The following LRMDA variants were observed in gnomAD, a reference collection of about 807,000 sequenced individuals.
LRMDA encodes leucine rich melanocyte differentiation associated, also known as leucine-rich melanocyte differentiation-associated protein.
In LRMDA, 18 loss-of-function variants were observed where a neutral mutation model predicts 29.8. The observed-to-expected ratio is 0.60, with a 90% CI of 0.42 to 0.90. The LOEUF is 0.90. LRMDA is among the 40% of genes least tolerant of loss of function. The probability of loss-of-function intolerance (pLI) is 0.00; values close to 1 mark genes in which losing one functional copy is unlikely to be tolerated. For missense variants in LRMDA, 273 were observed against 273.9 expected (o/e 1.00, Z 0.02); for synonymous variants, 125 against 109.4 (o/e 1.14, Z -0.89).
At chr10:76,285,501 A>G (rs562253778) in intron 5 of LRMDA, among the ~76,000 whole-genome samples, 1 of 152,158 alleles carries the variant, frequency 6.6e-6, no homozygotes, top group Non-Finnish European at 1.5e-5. Context: ...AATAAAAAGC[A>G]TATTGTCTCT....
intron 5 of LRMDA, among the ~76,000 whole-genome samples, chr10:76,168,033 A>G (rs1850772189): frequency 6.6e-6 from 1 of 152,074 alleles, no homozygotes; most frequent in African/African-American, 2.4e-5. Flanking sequence ...ATGGGATTGT[A>G]GGGAATCCAA....
At chr10:76,434,339 C>T (rs1349814075) in intron 6 of LRMDA, among the ~76,000 whole-genome samples, 1 of 151,922 alleles carries the variant, frequency 6.6e-6, no homozygotes, top group Non-Finnish European at 1.5e-5. Flanking sequence ...CTCTCTCTCT[C>T]TTTAATTTTC....
chr10:76,118,873 G>A (rs1283021343), intron 5 of LRMDA, among the ~76,000 whole-genome samples: 2 of 85,300 alleles, frequency 2.3e-5, no homozygotes, highest in Admixed American at 2.8e-4. Context: ...TTTGAGCAGT[G>A]ATTTTCTTTT....
intron 5 of LRMDA, among the ~76,000 whole-genome samples, chr10:76,271,292 C>T (rs993739258): frequency 6.6e-6 from 1 of 152,094 alleles, no homozygotes; most frequent in Non-Finnish European, 1.5e-5. Flanking sequence ...CCTGTAATCC[C>T]AGCTACTTGG....
At chr10:76,340,501 G>A (rs970653594) in intron 6 of LRMDA, among the ~76,000 whole-genome samples, 3 of 106,594 alleles carry the variant, frequency 2.8e-5, no homozygotes. Context: ...AGGTGACAGA[G>A]TGAGAACCTG....
intron 2 of LRMDA, among the ~76,000 whole-genome samples, chr10:75,599,190 C>T (rs1840848328): frequency 6.6e-6 from 1 of 152,170 alleles, no homozygotes; most frequent in Non-Finnish European, 1.5e-5. Context: ...AGAGAGTCTC[C>T]TGGCGCTACA....
chr10:75,733,977 T>G (rs1008754316), intron 2 of LRMDA, among the ~76,000 whole-genome samples: 5 of 152,200 alleles, frequency 3.3e-5, no homozygotes, highest in Non-Finnish European at 7.3e-5. Flanking sequence ...TCTCAAGCCC[T>G]TTCCCTTCAA....
In LRMDA at chr10:76,431,787, C is replaced by T. The variant is rs544343037; in HGVS notation, c.601+107302C>T. ...AATTCCCACATGTTGTGGGAGGAAC[C>T]TGGTGGGAGGTAATTGAATAATGGG... On this transcript the variant is annotated intron_variant, in intron 6 of 6. Coordinates refer to ENST00000611255, the MANE Select transcript of LRMDA (RefSeq NM_001305581.2). 8.5e-5 allele frequency among the ~76,000 whole-genome samples: 13 copies of T among 152,242 alleles called. No individual in the cohort carries two copies. The Middle Eastern group carries it at 0.01, about 119-fold the overall frequency.
At chr10:75,988,390 G>T (rs1307480636) in intron 2 of LRMDA, among the ~76,000 whole-genome samples, 1 of 152,050 alleles carries the variant, frequency 6.6e-6, no homozygotes, top group Non-Finnish European at 1.5e-5. Flanking sequence ...TGGGTGTCCA[G>T]GTGGTTCCCC....
intron 5 of LRMDA, among the ~76,000 whole-genome samples, chr10:76,101,512 G>A (rs192996949): frequency 9.2e-5 from 14 of 152,252 alleles, no homozygotes; most frequent in African/African-American, 2.2e-4. Context: ...CAAGGCAGGC[G>A]GATCAGTTGA....
At chr10:76,119,640 G>A (rs1424374908) in intron 5 of LRMDA, among the ~76,000 whole-genome samples, 1 of 152,052 alleles carries the variant, frequency 6.6e-6, no homozygotes, top group Non-Finnish European at 1.5e-5. Context: ...TCCATCAGAG[G>A]ACAGTCACTC....
At chr10:76,462,517 C>T (rs992241287) in intron 6 of LRMDA, among the ~76,000 whole-genome samples, 9 of 152,210 alleles carry the variant, frequency 5.9e-5, no homozygotes. Flanking sequence ...ATCTCACTTC[C>T]AGCTGCTTTG....
chr10:76,261,520 A>G (rs1839943950), intron 5 of LRMDA, among the ~76,000 whole-genome samples: 1 of 152,104 alleles, frequency 6.6e-6, no homozygotes, highest in African/African-American at 2.4e-5. Context: ...TACAAAATGA[A>G]CAGTGAATTA....
intron 5 of LRMDA, among the ~76,000 whole-genome samples, chr10:76,087,889 G>A (rs1849162524): frequency 6.6e-6 from 1 of 152,140 alleles, no homozygotes; most frequent in African/African-American, 2.4e-5. Context: ...TGGGAGGCTA[G>A]AGTGGAAGGA....
At position 75,808,950 on chromosome 10, in the gene LRMDA, C is replaced by A. The variant is rs562539251; in HGVS notation, c.132-227058C>A. On this transcript the variant is annotated intron_variant, in intron 2 of 6. Coordinates refer to ENST00000611255, the MANE Select transcript of LRMDA (RefSeq NM_001305581.2). ...GACTGACTCTGCTCTGCACAGAAGC[C>A]CCTGGGCCAGAATGTCTCACCTGCC... Among the ~76,000 whole-genome samples the A allele has an allele frequency of 3.9e-5, 6 of 152,318 alleles. No individual in the cohort carries two copies. The East Asian group carries it at 9.7e-4, about 25-fold the overall frequency.
chr10:75,503,946 T>A (rs1845143441), intron 2 of LRMDA, among the ~76,000 whole-genome samples: 1 of 151,986 alleles, frequency 6.6e-6, no homozygotes, highest in Admixed American at 6.6e-5. Flanking sequence ...TAATGAAGCA[T>A]AAGGAATTGA....
At chr10:76,442,802 T>C (rs1842317137) in intron 6 of LRMDA, among the ~76,000 whole-genome samples, 1 of 152,222 alleles carries the variant, frequency 6.6e-6, no homozygotes, top group Non-Finnish European at 1.5e-5. Context: ...TTTGCTGAGC[T>C]TCTGCGACAA....
At position 75,692,219 on chromosome 10, in the gene LRMDA, A is replaced by T. The variant is rs11001467; in HGVS notation, c.131+253725A>T. 7.3e-3 allele frequency among the ~76,000 whole-genome samples: 636 copies of T among 87,388 alleles called. 1 individual carries two copies. Among genetic ancestry groups the T allele is most frequent in the African/African-American group, 0.023 (416 of 17,966 alleles). 57.3% of individuals were successfully genotyped at this position (87,388 alleles called of 152,430 possible). ...CTTGTCTCTGGGGGGAAAAAAAAAA[A>T]ATATATATATATATATATATATATA... On this transcript the variant is annotated intron_variant, in intron 2 of 6. Coordinates refer to ENST00000611255, the MANE Select transcript of LRMDA (RefSeq NM_001305581.2).
intron 2 of LRMDA, among the ~76,000 whole-genome samples, chr10:75,775,123 C>T (rs1252306488): frequency 2.0e-5 from 3 of 152,178 alleles, no homozygotes; most frequent in African/African-American, 7.2e-5. Context: ...CTGAGAGGGG[C>T]CTATCAAGAA....
Sources: gnomAD v4.1 joint callset for allele counts (sites outside exome capture counted in the v4.1 genomes callset) on GRCh38, gnomAD v4.1.1 for gene constraint, MANE v1.5 for transcripts, NCBI Gene and HGNC (gene_info 2026-07-23, HGNC 2026-07-21) for gene names.